Variants in MAPK10 observed in about 807,000 individuals in gnomAD.
The protein encoded by MAPK10 is JNK3 alpha protein kinase.
In MAPK10, 25 loss-of-function variants were observed where a neutral mutation model predicts 59.3. The observed-to-expected ratio is 0.42, with a 90% CI of 0.31 to 0.59. The LOEUF is 0.59. Among genes scored for constraint, MAPK10 ranks in the 20% least tolerant of loss-of-function variants. The probability of loss-of-function intolerance (pLI) is 0.15; values close to 1 mark genes in which losing one functional copy is unlikely to be tolerated. For missense variants in MAPK10, 351 were observed against 568.9 expected (o/e 0.62, Z 3.90); for synonymous variants, 190 against 200.5 (o/e 0.95, Z 0.44).
At chr4:86,537,996 G>T (rs950599036) in intron 1 of MAPK10, among the ~76,000 whole-genome samples, 4 of 152,036 alleles carry the variant, frequency 2.6e-5, no homozygotes, top group African/African-American at 9.7e-5. Context: ...CTATGTTCAT[G>T]TATGGATTGG....
At chr4:86,337,332 G>T (rs903838412) in intron 2 of MAPK10, among the ~76,000 whole-genome samples, 7 of 152,148 alleles carry the variant, frequency 4.6e-5, no homozygotes, top group African/African-American at 1.2e-4. Flanking sequence ...AATGATAAGA[G>T]GTTGGTGGTC....
At chr4:86,285,000 C>A (rs10019269) in intron 2 of MAPK10, among the ~76,000 whole-genome samples, 2,188 of 152,252 alleles carry the variant, frequency 0.014, 54 homozygotes, top group African/African-American at 0.05. Context: ...ATTTACATGG[C>A]CTTTCAATGA....
At chr4:86,551,592 C>T (rs141817182) in intron 1 of MAPK10, among the ~76,000 whole-genome samples, 7 of 143,266 alleles carry the variant, frequency 4.9e-5, no homozygotes, top group Non-Finnish European at 1.1e-4. Flanking sequence ...CTCTCTCTCT[C>T]TCTGTCTCTC....
chr4:86,191,302 T>C (rs1454602571), intron 3 of MAPK10, among the ~76,000 whole-genome samples: 2 of 152,150 alleles, frequency 1.3e-5, no homozygotes, highest in Non-Finnish European at 2.9e-5. Flanking sequence ...AATATCCTTG[T>C]TAATTTTCTG....
At chr4:86,333,321 C>T (rs1578398032) in intron 2 of MAPK10, among the ~76,000 whole-genome samples, 1 of 152,080 alleles carries the variant, frequency 6.6e-6, no homozygotes, top group Non-Finnish European at 1.5e-5. Flanking sequence ...CTCTGCTCTG[C>T]CCCGAAATCA....
intron 2 of MAPK10, among the ~76,000 whole-genome samples, chr4:86,222,671 A>C (rs1466669397): frequency 1.3e-5 from 2 of 152,250 alleles, no homozygotes; most frequent in African/African-American, 4.8e-5. Flanking sequence ...GAAGAATCCC[A>C]AAATAGGTGG....
At chr4:86,359,451 G>A (rs1174948517) in intron 1 of MAPK10, among the ~76,000 whole-genome samples, 2 of 151,392 alleles carry the variant, frequency 1.3e-5, no homozygotes, top group African/African-American at 2.4e-5. Context: ...GTTTCAACAC[G>A]CCCAAGTCTG....
intron 1 of MAPK10, among the ~76,000 whole-genome samples, chr4:86,422,929 CTT>C (rs1355938441): frequency 1.3e-5 from 2 of 152,022 alleles, no homozygotes; most frequent in African/African-American, 4.8e-5. Context: ...TTTCTCCAGT[CTT>C]TGTTGTTATT....
chr4:86,423,758 G>GGGATATATATACATATATATATATAT (rs1746838910), intron 1 of MAPK10, among the ~76,000 whole-genome samples: 1 of 102,502 alleles, frequency 9.8e-6, no homozygotes, highest in Non-Finnish European at 2.0e-5. Context: ...AGTAATTAGT[G>GGGATATATATACATATATATATATAT]GGATATATAT....
At chr4:86,421,734 C>G (rs568317155) in intron 1 of MAPK10, among the ~76,000 whole-genome samples, 1 of 152,302 alleles carries the variant, frequency 6.6e-6, no homozygotes, top group African/African-American at 2.4e-5. Flanking sequence ...CACTAACTAG[C>G]TGCAAATATG....
chr4:86,134,208 T>C (rs959933994), intron 4 of MAPK10, among the ~76,000 whole-genome samples: 20 of 152,342 alleles, frequency 1.3e-4, no homozygotes, highest in African/African-American at 4.8e-4. Context: ...CTTCAAATAT[T>C]TGAAGATATC....
chr4:86,115,474 A>G (rs1358776674), intron 4 of MAPK10, among the ~76,000 whole-genome samples: 2 of 146,028 alleles, frequency 1.4e-5, no homozygotes, highest in Non-Finnish European at 2.9e-5. Context: ...AACTGCTTCT[A>G]TTTTTTTGGA....
intron 2 of MAPK10, among the ~76,000 whole-genome samples, chr4:86,341,760 G>A (rs1189709535): frequency 6.6e-6 from 1 of 150,546 alleles, no homozygotes; most frequent in Non-Finnish European, 1.5e-5. Flanking sequence ...AAATGGTAAA[G>A]GACCCCGATT....
At chr4:86,466,832 G>A (rs1752250204) in intron 1 of MAPK10, among the ~76,000 whole-genome samples, 1 of 152,164 alleles carries the variant, frequency 6.6e-6, no homozygotes, top group African/African-American at 2.4e-5. Context: ...ACCTGCGGGA[G>A]ATTATATGCC....
chr4:86,590,849 T>C (rs1762993971), intron 1 of MAPK10, among the ~76,000 whole-genome samples: 1 of 152,158 alleles, frequency 6.6e-6, no homozygotes, highest in Non-Finnish European at 1.5e-5. Flanking sequence ...TTTTAAAAGA[T>C]AATTATACAT....
At chr4:86,386,364 G>T (rs1741469052) in intron 1 of MAPK10, among the ~76,000 whole-genome samples, 1 of 152,196 alleles carries the variant, frequency 6.6e-6, no homozygotes, top group African/African-American at 2.4e-5. Context: ...GGAGTTGCCT[G>T]CCCACAGCAG....
chr4:86,452,465 T>C (rs1279097353), intron 1 of MAPK10, among the ~76,000 whole-genome samples: 6 of 152,128 alleles, frequency 3.9e-5, no homozygotes, highest in African/African-American at 9.7e-5. Context: ...CTCTTCCTTT[T>C]CTTTCCCTAA....
At chr4:86,263,948 T>C (rs992767226) in intron 2 of MAPK10, among the ~76,000 whole-genome samples, 2 of 152,190 alleles carry the variant, frequency 1.3e-5, no homozygotes, top group African/African-American at 4.8e-5. Flanking sequence ...AAAATTCTCT[T>C]TAGCTGCAAA....
intron 2 of MAPK10, among the ~76,000 whole-genome samples, chr4:86,330,443 C>T (rs1002732667): frequency 1.3e-5 from 2 of 152,176 alleles, no homozygotes; most frequent in African/African-American, 4.8e-5. Flanking sequence ...ACCCAAATCT[C>T]ATCTCAAACT....
Sources: gnomAD v4.1 joint callset for allele counts (sites outside exome capture counted in the v4.1 genomes callset) on GRCh38, gnomAD v4.1.1 for gene constraint, MANE v1.5 for transcripts, NCBI Gene and HGNC (gene_info 2026-07-23, HGNC 2026-07-21) for gene names.